SVEP1: variants seen among roughly 807,000 people sequenced by gnomAD.
The protein encoded by SVEP1 is sushi, von Willebrand factor type A, EGF and pentraxin domain-containing protein 1.
Under a neutral mutation model 367.3 loss-of-function variants are expected in SVEP1, and 164 were observed. The observed-to-expected ratio is 0.45, with a 90% CI of 0.39 to 0.51. The LOEUF (loss-of-function observed/expected upper bound fraction) is 0.51. SVEP1 is among the 20% of genes least tolerant of loss of function. The pLI is 0.00. For synonymous variants in SVEP1, 1,666 were observed against 1,611.6 expected, an observed-to-expected ratio of 1.03 and a Z score of -0.81; for missense variants, 4,117 against 4,425.3, an observed-to-expected ratio of 0.93 and a Z score of 1.98.
In SVEP1 at chr9:110,408,926, C is replaced by G. The variant is rs1435897895; in HGVS notation, c.6674G>C (p.Ser2225Thr). 2.5e-6 allele frequency: 4 copies of G among 1,594,202 alleles called. No individual in the cohort carries two copies. The highest frequency in any genetic ancestry group is 2.2e-5 in the East Asian group (1 of 44,754). Reference protein sequence around the residue: ...LEHTTGRIFESEVRYQCNPGY... With the variant: ...LEHTTGRIFETEVRYQCNPGY... ...CGGGTTACACTGATACCTCACTTCACTCTCAAAGATCCTGCCAGTTGTATG... is the reference window on the plus strand; with the variant it reads ...CGGGTTACACTGATACCTCACTTCAGTCTCAAAGATCCTGCCAGTTGTATG... The change falls in exon 38 of 48, where the codon AGT becomes ACT. Residue 2225 changes from serine to threonine, a missense_variant. Physicochemically the swap from Ser to Thr is moderately conservative, Grantham distance 58. Coordinates refer to ENST00000374469, the MANE Select transcript of SVEP1 (RefSeq NM_153366.4).
At chr9:110,457,525 G>T (rs1190823261) in intron 20 of SVEP1, among the ~76,000 whole-genome samples, 173 bp from the exon 21 acceptor site, 1 of 152,166 alleles carries the variant, frequency 6.6e-6, no homozygotes, top group Non-Finnish European at 1.5e-5. Context: ...GCCATATAGG[G>T]GAGCAAATGA....
At chr9:110,500,408 A>T (rs958070389) in intron 6 of SVEP1, among the ~76,000 whole-genome samples, 1 of 151,864 alleles carries the variant, frequency 6.6e-6, no homozygotes, top group Admixed American at 6.6e-5. Context: ...TTCTTTTTTT[A>T]TTGTTTGTTT....
chr9:110,448,129 A>ATGTGTG (rs143871165), intron 24 of SVEP1, among the ~76,000 whole-genome samples: 37 of 142,970 alleles, frequency 2.6e-4, no homozygotes, highest in African/African-American at 8.8e-4. Flanking sequence ...AAGAAAGTGA[A>ATGTGTG]TGTGTGTGTG....
Position 110,441,132 on chromosome 9 carries a change from C to T in SVEP1, c.4639+2413G>A, listed in dbSNP as rs145682378. On this transcript the variant is annotated intron_variant, in intron 27 of 47. Transcript: ENST00000374469. The stretch of plus-strand genomic sequence containing the variant: ...TTACAAGGAAGTTTTGGTTTTGGCA[C>T]TGGCTTCCTGTTCAAGCATATTTTA... 3.6e-3 allele frequency among the ~76,000 whole-genome samples: 548 copies of T among 152,304 alleles called. 4 individuals carry two copies. The highest frequency in any genetic ancestry group is 0.013 in the African/African-American group (526 of 41,564).
chr9:110,496,863 G>T lies in SVEP1; in HGVS notation c.1752C>A (p.Ala584=). 1.3e-6 allele frequency: 2 copies of T among 1,558,710 alleles called. No individual in the cohort carries two copies. Among genetic ancestry groups the T allele is most frequent in the Non-Finnish European group, 1.7e-6 (2 of 1,149,890 alleles). ...CTGTTGGAATCTGCCAGGTAACATT[G>T]GCAGAATCTTGCTGTTCCAGAGTCT... ...EAKTLEQQDS[A]NVTWQIPTAK... The change falls in exon 8 of 48, where the codon GCC becomes GCA. Residue 584 remains alanine, a synonymous_variant. Transcript: ENST00000374469.
At chr9:110,537,369 T>C (rs985667937) in intron 3 of SVEP1, among the ~76,000 whole-genome samples, 1 of 152,046 alleles carries the variant, frequency 6.6e-6, no homozygotes, top group Non-Finnish European at 1.5e-5. Flanking sequence ...TTTTCAATAG[T>C]ATTTTTATGT....
At chr9:110,487,982 G>C (rs1180813812) in intron 9 of SVEP1, among the ~76,000 whole-genome samples, 2 of 152,092 alleles carry the variant, frequency 1.3e-5, no homozygotes, top group East Asian at 3.9e-4. Flanking sequence ...ATGAGCAGAA[G>C]ACCAATTGAG....
chr9:110,435,451 T>G lies in SVEP1; in HGVS notation c.4765-87A>C, dbSNP rs2118568045. The G allele has an allele frequency of 4.7e-6, 7 of 1,479,380 alleles. 1 individual carries two copies. The South Asian group carries it at 9.3e-5, about 20-fold the overall frequency. 91.6% of individuals were successfully genotyped at this position (1,479,380 alleles called of 1,614,324 possible). On this transcript the variant is annotated intron_variant, in intron 28 of 47. Transcript: ENST00000374469. Reference sequence around the variant, plus strand: ...CATTAATTTAGTCCTATTGAAAACATTCACAGATTTTTTAGAGATGGGGGT... The same window carrying G: ...CATTAATTTAGTCCTATTGAAAACAGTCACAGATTTTTTAGAGATGGGGGT...
chr9:110,568,316 T>C (rs1299922185), intron 1 of SVEP1, among the ~76,000 whole-genome samples: 6 of 152,332 alleles, frequency 3.9e-5, no homozygotes, highest in African/African-American at 1.4e-4. Context: ...AAATTGAACT[T>C]ACATTATTTA....
At position 110,377,240 on chromosome 9, in the gene SVEP1, G is replaced by A. The variant is rs751331941; in HGVS notation, c.10504+31C>T. On this transcript the variant is annotated intron_variant, in intron 45 of 47. Coordinates refer to ENST00000374469, the MANE Select transcript of SVEP1 (RefSeq NM_153366.4). Reference sequence around the variant, plus strand: ...TGGGAGCATCCAGGCAATTTGTCAGGACTCAAAGTAAGATCTGAAGAGCAA... The same window carrying A: ...TGGGAGCATCCAGGCAATTTGTCAGAACTCAAAGTAAGATCTGAAGAGCAA... 18 of 1,599,674 alleles carry A rather than the reference G, an allele frequency of 1.1e-5. No homozygotes were observed. The East Asian group carries it at 4.0e-4, about 36-fold the overall frequency.
intron 1 of SVEP1, among the ~76,000 whole-genome samples, chr9:110,573,159 T>C (rs1363785350): frequency 6.6e-6 from 1 of 150,958 alleles, no homozygotes; most frequent in African/African-American, 2.4e-5. Context: ...GCAGATTACA[T>C]AAGTACCCCC....
intron 18 of SVEP1, among the ~76,000 whole-genome samples, chr9:110,464,142 A>G (rs1196980192): frequency 1.3e-5 from 2 of 152,166 alleles, no homozygotes; most frequent in South Asian, 4.1e-4. Flanking sequence ...CTTTCTGCCA[A>G]AATTATTTCT....
intron 3 of SVEP1, among the ~76,000 whole-genome samples, chr9:110,545,057 AC>A (rs1233160908): frequency 6.6e-5 from 10 of 151,354 alleles, no homozygotes; most frequent in Admixed American, 1.3e-4. Flanking sequence ...TCACTTAACA[AC>A]TCCAGGCTCA....
At chr9:110,502,083 T>C (rs570534785) in intron 6 of SVEP1, among the ~76,000 whole-genome samples, 1 of 151,614 alleles carries the variant, frequency 6.6e-6, no homozygotes, top group South Asian at 2.1e-4. Flanking sequence ...CCAAACTATA[T>C]GGTATGGAAA....
At position 110,406,381 on chromosome 9, in the gene SVEP1, C is replaced by T. The variant is rs746168573; in HGVS notation, c.9219G>A (p.Ala3073=). ...SCGSLPMIPN[A]FISETSSWKE... ...TCCAAGAGCTGGTCTCACTGATGAA[C>T]GCATTTGGTATCATTGGAAGAGAAC... The change falls in exon 38 of 48, where the codon GCG becomes GCA. Residue 3073 remains alanine, a synonymous_variant. Coordinates refer to ENST00000374469, the MANE Select transcript of SVEP1 (RefSeq NM_153366.4). 20 of 1,613,916 alleles carry T rather than the reference C, an allele frequency of 1.2e-5. No individual in the cohort carries two copies. The highest frequency in any genetic ancestry group is 3.3e-5 in the South Asian group (3 of 91,092).
At chr9:110,488,469 G>C (rs1458331548) in intron 9 of SVEP1, among the ~76,000 whole-genome samples, 1 of 151,864 alleles carries the variant, frequency 6.6e-6, no homozygotes, top group Non-Finnish European at 1.5e-5. Context: ...AGATAAAGAA[G>C]GTTAGGTAAA....
intron 1 of SVEP1, among the ~76,000 whole-genome samples, chr9:110,563,492 T>G (rs1830455095): frequency 6.6e-6 from 1 of 152,208 alleles, no homozygotes; most frequent in South Asian, 2.1e-4. Flanking sequence ...ACCCTTGAAT[T>G]AAATTTATTC....
At chr9:110,502,907 C>A (rs911399058) in intron 6 of SVEP1, 131 bp downstream of exon 6, 2 of 876,002 alleles carry the variant, frequency 2.3e-6, no homozygotes, top group Non-Finnish European at 3.3e-6. Flanking sequence ...GTAACACCTG[C>A]ACCTGTACAT....
In SVEP1 at chr9:110,411,521, G is replaced by C; in HGVS notation, c.6190C>G (p.Gln2064Glu). The change falls in exon 37 of 48, where the codon CAG becomes GAG. Residue 2064 changes from glutamine (Q) to glutamate (E), a missense_variant. This residue lies in a region of SVEP1 where 2,174 missense variants were observed against 2,494.3 expected (regional missense o/e 0.87). Coordinates refer to ENST00000374469, the MANE Select transcript of SVEP1 (RefSeq NM_153366.4). ...ADNSQLLCNAQGKWVPPEGQD... is the reference protein window; with the variant it reads ...ADNSQLLCNAEGKWVPPEGQD... ...CCTTCTGGGGGTACCCACTTGCCCTGGGCATTGCAGAGAAGCTGGGAATTG... is the reference window on the plus strand; with the variant it reads ...CCTTCTGGGGGTACCCACTTGCCCTCGGCATTGCAGAGAAGCTGGGAATTG... 6.2e-7 allele frequency: 1 copy of C among 1,613,980 alleles called. No homozygotes were observed. Among genetic ancestry groups the C allele is most frequent in the South Asian group, 1.1e-5 (1 of 91,072 alleles).
Sources: allele counts gnomAD v4.1 joint callset (sites outside exome capture counted in the v4.1 genomes callset), GRCh38; gene constraint gnomAD v4.1.1; regional missense constraint gnomAD v4.1.1; transcripts MANE v1.5; gene names NCBI Gene and HGNC (gene_info 2026-07-23, HGNC 2026-07-21).